SQOR: variants seen among roughly 807,000 people sequenced by gnomAD.
SQOR encodes the protein sulfide quinone oxidoreductase.
SQOR carries 39 observed loss-of-function variants against 48.6 expected under a neutral mutation model. The ratio of observed to expected loss-of-function variants is 0.80; its 90% CI spans 0.62 to 1.05. The LOEUF is 1.05. Ranked by LOEUF, SQOR falls within the 50% of genes least tolerant of loss-of-function variation. SQOR has a pLI of 0.00. For missense variants in SQOR, 561 were observed against 559.9 expected, an observed-to-expected ratio of 1.00 and a Z score of -0.02; for synonymous variants, 220 against 206.2, an observed-to-expected ratio of 1.07 and a Z score of -0.57.
chr15:45,680,921 G>C (rs904204527), intron 6 of SQOR, among the ~76,000 whole-genome samples: 2 of 151,892 alleles, frequency 1.3e-5, no homozygotes, highest in East Asian at 3.9e-4. Context: ...CAAAAACGTA[G>C]TTCTAGGTCA....
intron 1 of SQOR, 110 bp downstream of exon 1, chr15:45,635,218 T>TG (rs1894980775): frequency 6.6e-6 from 1 of 152,302 alleles, no homozygotes; most frequent in Admixed American, 6.5e-5. Flanking sequence ...TTTCCGCAGC[T>TG]GGGACTCCGC....
intron 9 of SQOR, among the ~76,000 whole-genome samples, chr15:45,690,716 T>C (rs1890308007): frequency 6.6e-6 from 1 of 152,214 alleles, no homozygotes; most frequent in African/African-American, 2.4e-5. Context: ...AGTTTGCATG[T>C]AGTAGAGGCT....
At chr15:45,634,860 C>T (rs1359726670), upstream of SQOR, 1 of 152,240 alleles carries the variant, frequency 6.6e-6, no homozygotes, top group Non-Finnish European at 1.5e-5. Flanking sequence ...GACGCTTGTT[C>T]CTGGTTCTGT....
intron 1 of SQOR, among the ~76,000 whole-genome samples, chr15:45,646,809 C>T (rs745622276): frequency 2.6e-5 from 4 of 152,082 alleles, no homozygotes; most frequent in Non-Finnish European, 5.9e-5. Flanking sequence ...CATCTACACC[C>T]CTACCCACTT....
intron 4 of SQOR, among the ~76,000 whole-genome samples, chr15:45,670,895 G>A (rs375241590): frequency 2.0e-5 from 3 of 152,260 alleles, no homozygotes; most frequent in African/African-American, 7.2e-5. Context: ...TGAAGTAGAC[G>A]ATATGGAGAA....
intron 1 of SQOR, among the ~76,000 whole-genome samples, chr15:45,650,273 T>C (rs893290375): frequency 2.6e-5 from 4 of 152,156 alleles, no homozygotes; most frequent in Non-Finnish European, 4.4e-5. Flanking sequence ...AATTGGTGGG[T>C]TCTTGGTCTG....
At chr15:45,687,606 T>C (rs992743614) in intron 7 of SQOR, among the ~76,000 whole-genome samples, 1 of 152,130 alleles carries the variant, frequency 6.6e-6, no homozygotes. Flanking sequence ...AAAAATAGCA[T>C]GTGTGATGAG....
chr15:45,668,078 G>A (rs1889871019), intron 3 of SQOR, among the ~76,000 whole-genome samples: 1 of 151,318 alleles, frequency 6.6e-6, no homozygotes, highest in Non-Finnish European at 1.5e-5. Context: ...CTGAGTAGCT[G>A]GGACTACAGG....
intron 3 of SQOR, among the ~76,000 whole-genome samples, chr15:45,665,682 C>T (rs1468437793): frequency 6.6e-6 from 1 of 151,272 alleles, no homozygotes; most frequent in Non-Finnish European, 1.5e-5. Flanking sequence ...CTCCCAGGTT[C>T]AAGTGATTCT....
chr15:45,690,090 T>C (rs1890296287), intron 9 of SQOR, among the ~76,000 whole-genome samples: 1 of 139,098 alleles, frequency 7.2e-6, no homozygotes, highest in South Asian at 2.3e-4. Context: ...TCCTTTTTTT[T>C]TTTTTTTTGG....
intron 6 of SQOR, among the ~76,000 whole-genome samples, chr15:45,677,724 G>C (rs190081511): frequency 6.6e-6 from 1 of 152,086 alleles, no homozygotes; most frequent in Non-Finnish European, 1.5e-5. Flanking sequence ...TTTTTGAGAC[G>C]AAGTCTCGCT....
chr15:45,676,574 C>A (rs1285070768), intron 6 of SQOR, among the ~76,000 whole-genome samples: 19 of 152,202 alleles, frequency 1.2e-4, no homozygotes, highest in Admixed American at 1.2e-3. Flanking sequence ...TTTGACTCAA[C>A]TTTTCCTGGC....
chr15:45,633,219 G>A (rs1894929950), upstream of SQOR, among the ~76,000 whole-genome samples: 1 of 151,870 alleles, frequency 6.6e-6, no homozygotes, highest in South Asian at 2.1e-4. Flanking sequence ...CAACATTCAA[G>A]TATGCAAAAA....
rs1199426856 is a variant in SQOR, at chr15:45,691,017, T to A, written c.1340T>A (p.Leu447Gln). 3 of 1,614,164 alleles carry A rather than the reference T, an allele frequency of 1.9e-6. No homozygotes were observed. Among genetic ancestry groups the A allele is most frequent in the South Asian group, 2.2e-5 (2 of 91,090 alleles). The change falls in exon 10 of 10, where the codon CTA becomes CAA. Residue 447 changes from leucine to glutamine, a missense_variant. Physicochemically the swap from Leu to Gln is moderately radical, Grantham distance 113. Coordinates refer to ENST00000260324, the MANE Select transcript of SQOR (RefSeq NM_021199.4). The stretch of plus-strand genomic sequence containing the variant: ...GCGTTTCTGCGCAAGTTGTTTCATC[T>A]AGGTATGAGTTAAGGATGGCTCAGC... ...GPAFLRKLFH[L>Q]GMS is the part of the protein sequence containing the mutation.
At chr15:45,682,448 T>G (rs969765550) in intron 6 of SQOR, 30 bp from the exon 7 acceptor site, 1 of 1,611,800 alleles carries the variant, frequency 6.2e-7, no homozygotes. Context: ...ATTGAATAAA[T>G]GAAAATGTGG....
At chr15:45,632,038 C>A (rs904907554), upstream of SQOR, 3 of 152,162 alleles carry the variant, frequency 2.0e-5, no homozygotes, top group African/African-American at 7.2e-5. Context: ...ACTCTCAGTC[C>A]CCTTCCTTGT....
rs143624368 is a variant in SQOR, at chr15:45,679,469, C to T, written c.865-3009C>T. 8.3e-3 allele frequency among the ~76,000 whole-genome samples: 1,257 copies of T among 152,100 alleles called. 16 individuals carry two copies. Among genetic ancestry groups the T allele is most frequent in the Non-Finnish European group, 0.013 (879 of 67,976 alleles). ...CTATAATCCCAGCACTTTGGGAGGC[C>T]GAGGCGGGTGGATCACGAAGTCAGG... On this transcript the variant is annotated intron_variant, in intron 6 of 9. Transcript: ENST00000260324.
intron 2 of SQOR, among the ~76,000 whole-genome samples, chr15:45,660,417 G>T (rs1299577740): frequency 6.6e-6 from 1 of 152,194 alleles, no homozygotes; most frequent in Non-Finnish European, 1.5e-5. Flanking sequence ...GTGTCAGGTG[G>T]CTACTGTTTC....
chr15:45,679,072 A>T (rs1037782053), intron 6 of SQOR, among the ~76,000 whole-genome samples: 1 of 152,324 alleles, frequency 6.6e-6, no homozygotes, highest in African/African-American at 2.4e-5. Flanking sequence ...TGTCCTCTGG[A>T]TAGCTGAGGT....
Sources: allele counts gnomAD v4.1 joint callset (sites outside exome capture counted in the v4.1 genomes callset), GRCh38; gene constraint gnomAD v4.1.1; transcripts MANE v1.5; gene names NCBI Gene and HGNC (gene_info 2026-07-23, HGNC 2026-07-21).